GASK1B: variants seen among roughly 807,000 people sequenced by gnomAD.
The protein encoded by GASK1B is Golgi-associated kinase 1B.
Under a neutral mutation model 42.8 loss-of-function variants are expected in GASK1B, and 34 were observed. The observed-to-expected ratio is 0.79, with a 90% CI of 0.60 to 1.06. GASK1B has a LOEUF of 1.06. GASK1B is among the 50% of genes least tolerant of loss of function. GASK1B has a pLI of 0.00. For missense variants in GASK1B, 686 were observed against 661.0 expected (o/e 1.04, Z -0.42); for synonymous variants, 262 against 259.1 (o/e 1.01, Z -0.11).
chr4:158,170,235 G>A (rs762316396), intron 2 of GASK1B: 1 of 1,613,764 alleles, frequency 6.2e-7, no homozygotes, highest in East Asian at 2.2e-5. Context: ...AGATTATACA[G>A]TATGGGCTTA....
intron 2 of GASK1B, among the ~76,000 whole-genome samples, chr4:158,164,467 C>A (rs1732149638): frequency 6.6e-6 from 1 of 152,166 alleles, no homozygotes. Context: ...GACACTGGAG[C>A]ACAGCGCTGC....
intron 3 of GASK1B, among the ~76,000 whole-genome samples, chr4:158,150,780 A>T (rs1375576100): frequency 6.6e-6 from 1 of 152,196 alleles, no homozygotes; most frequent in East Asian, 1.9e-4. Context: ...AGGACTCTTG[A>T]ACACTCTTTA....
In GASK1B at chr4:158,171,506, T is replaced by G; in HGVS notation, c.-131A>C. The G allele has an allele frequency of 1.0e-6, 1 of 955,760 alleles. No homozygotes were observed. Among genetic ancestry groups the G allele is most frequent in the Non-Finnish European group, 1.5e-6 (1 of 679,934 alleles). 59.2% of individuals were successfully genotyped at this position (955,760 alleles called of 1,614,324 possible). ...ATAAGTGGTCTCCAGTGGGCAGAGG[T>G]GGAAGGAAAGGGTTGGTGATGAAGC... On this transcript the variant is annotated 5_prime_UTR_variant, in exon 2 of 5. Transcript: ENST00000585682.
chr4:158,131,113 C>G, intron 3 of GASK1B, 101 bp from the exon 4 acceptor site: 1 of 968,040 alleles, frequency 1.0e-6, no homozygotes, highest in Non-Finnish European at 1.5e-6. Context: ...AGCTGACTTG[C>G]CAGAATCTAA....
rs1171074697 is a variant in GASK1B at position 158,170,921 on chromosome 4, G to A, written c.455C>T (p.Pro152Leu). ...ATCAGCTTCCCTTGCCGCTTCCTGC[G>A]GCTGAAGGGATGGTCCGACCAAAGC... Reference protein sequence around the residue: ...QEALVGPSLQPQEAAREADAV... With the variant: ...QEALVGPSLQLQEAAREADAV... The change falls in exon 2 of 5, where the codon CCG (proline) becomes CTG (leucine). Residue 152 changes from proline (P) to leucine (L), a missense_variant. Coordinates refer to ENST00000585682, the MANE Select transcript of GASK1B (RefSeq NM_001128424.2). 3.1e-6 allele frequency: 5 copies of A among 1,614,202 alleles called. No individual in the cohort carries two copies. The highest frequency in any genetic ancestry group is 4.2e-6 in the Non-Finnish European group (5 of 1,180,044).
intron 3 of GASK1B, among the ~76,000 whole-genome samples, chr4:158,131,668 GA>G (rs1730688965): frequency 6.6e-6 from 1 of 152,128 alleles, no homozygotes; most frequent in Non-Finnish European, 1.5e-5. Flanking sequence ...AGATTAATTA[GA>G]AAAAGAAGAA....
Position 158,124,495 on chromosome 4 carries a change from C to A in GASK1B, c.*2912G>T, listed in dbSNP as rs940201762. 5 of 152,118 alleles carry A rather than the reference C, an allele frequency of 3.3e-5. No homozygotes were observed. Among genetic ancestry groups the A allele is most frequent in the African/African-American group, 1.2e-4 (5 of 41,424 alleles). The allele number at this position is 152,118 out of a possible 1,614,324, so 9.4% of individuals were successfully genotyped here. On this transcript the variant is annotated 3_prime_UTR_variant, in exon 5 of 5. Transcript: ENST00000585682. Reference sequence around the variant, plus strand: ...TTATCATCTTTATTTGACCCATGTTCAATTTCCATATAATTTTCAGATGAA... The same window carrying A: ...TTATCATCTTTATTTGACCCATGTTAAATTTCCATATAATTTTCAGATGAA...
chr4:158,127,607 C>T lies in GASK1B; in HGVS notation c.1360G>A (p.Ala454Thr). 6.2e-7 allele frequency: 1 copy of T among 1,612,218 alleles called. No individual in the cohort carries two copies. Among genetic ancestry groups the T allele is most frequent in the Non-Finnish European group, 8.5e-7 (1 of 1,179,392 alleles). ...CTCTTCAAAACAGAAACTGCAGAAG[C>T]TGGAAACCTGAAAAGATAAAATGAT... is the stretch of plus-strand genomic sequence containing the variant. ...KLLEGIKEFP[A>T]SAVSVLKSQH... The change falls in exon 5 of 5, where the codon GCT becomes ACT. Residue 454 changes from alanine to threonine, a missense_variant. Physicochemically the swap from Ala to Thr is moderately conservative, Grantham distance 58 (BLOSUM62 0). Transcript: ENST00000585682.
rs758141883 is a variant in GASK1B, at chr4:158,131,029, C to G, written c.1126-17G>C. 27 of 1,603,554 alleles carry G rather than the reference C, an allele frequency of 1.7e-5. No individual in the cohort carries two copies. Among genetic ancestry groups the G allele is most frequent in the Non-Finnish European group, 2.3e-5 (27 of 1,172,338 alleles). On this transcript the variant is annotated splice_polypyrimidine_tract_variant and intron_variant, in intron 3 of 4. Transcript: ENST00000585682. The stretch of plus-strand genomic sequence containing the variant: ...ATTATAAATCTGTAAATGGAAAACA[C>G]AAAATCCAAGATGCTGAGTGAAAAC...
At chr4:158,158,690 C>G (rs1370541182) in intron 2 of GASK1B, among the ~76,000 whole-genome samples, 1 of 152,044 alleles carries the variant, frequency 6.6e-6, no homozygotes, top group Admixed American at 6.6e-5. Context: ...AACTATTCAA[C>G]TATGCAACCG....
chr4:158,160,483 A>G (rs963395109), intron 2 of GASK1B, among the ~76,000 whole-genome samples: 2 of 152,048 alleles, frequency 1.3e-5, no homozygotes, highest in Non-Finnish European at 2.9e-5. Context: ...AGAAAAGGGA[A>G]CCCTTAGCAC....
intron 3 of GASK1B, among the ~76,000 whole-genome samples, chr4:158,134,139 T>G (rs186913653): frequency 6.6e-6 from 1 of 152,344 alleles, no homozygotes; most frequent in Admixed American, 6.5e-5. Flanking sequence ...ATATTCAATA[T>G]ACCAAAAATA....
Position 158,127,609 on chromosome 4 carries a change from G to A in GASK1B, c.1358C>T (p.Pro453Leu). The A allele has an allele frequency of 1.2e-6, 2 of 1,612,002 alleles. No individual in the cohort carries two copies. Among genetic ancestry groups the A allele is most frequent in the Non-Finnish European group, 1.7e-6 (2 of 1,179,320 alleles). ...CTTCAAAACAGAAACTGCAGAAGCT[G>A]GAAACCTGAAAAGATAAAATGATAT... ...FKLLEGIKEF[P>L]ASAVSVLKSQ... Residue 453 changes from proline to leucine, a missense_variant, in exon 5 of 5, where the codon CCA (proline) becomes CTA (leucine). Transcript: ENST00000585682.
intron 2 of GASK1B, among the ~76,000 whole-genome samples, chr4:158,157,141 T>A (rs1198946464): frequency 6.6e-6 from 1 of 152,146 alleles, no homozygotes; most frequent in African/African-American, 2.4e-5. Context: ...TAAATCATTC[T>A]AATCACTTGC....
Position 158,170,577 on chromosome 4 carries a change from G to C in GASK1B, c.799C>G (p.Leu267Val). 6.2e-7 allele frequency: 1 copy of C among 1,614,120 alleles called. No individual in the cohort carries two copies. Among genetic ancestry groups the C allele is most frequent in the East Asian group, 2.2e-5 (1 of 44,884 alleles). The change falls in exon 2 of 5, where the codon CTT becomes GTT. Residue 267 changes from leucine (L) to valine (V), a missense_variant. By Grantham distance (32) the Leu-to-Val change is conservative. Transcript: ENST00000585682. ...VLRCGPSPCG[L>V]LKQPLDMSEV... The stretch of plus-strand genomic sequence containing the variant: ...CTCATGTCCAAGGGCTGCTTGAGAA[G>C]CCCACAGGGGCTAGGGCCACAGCGG...
intron 2 of GASK1B, among the ~76,000 whole-genome samples, chr4:158,156,563 T>C (rs1284713878): frequency 6.6e-6 from 1 of 152,186 alleles, no homozygotes; most frequent in Non-Finnish European, 1.5e-5. Context: ...AGAAATGTAA[T>C]TTCTTTAATT....
intron 3 of GASK1B, among the ~76,000 whole-genome samples, chr4:158,133,372 AC>A (rs1451414529): frequency 2.6e-5 from 4 of 152,202 alleles, no homozygotes; most frequent in African/African-American, 9.6e-5. Context: ...TTTGAATATA[AC>A]CCGTAAAGAA....
At chr4:158,165,462 A>T (rs1259024152) in intron 2 of GASK1B, among the ~76,000 whole-genome samples, 1 of 152,172 alleles carries the variant, frequency 6.6e-6, no homozygotes, top group African/African-American at 2.4e-5. Context: ...TACACATGTG[A>T]TTGTTTATGG....
intron 3 of GASK1B, among the ~76,000 whole-genome samples, chr4:158,146,482 C>A (rs1438110091): frequency 6.6e-6 from 1 of 152,026 alleles, no homozygotes; most frequent in African/African-American, 2.4e-5. Context: ...GAGTGCCTAC[C>A]ATGTACTAGG....
Sources: allele counts gnomAD v4.1 joint callset (sites outside exome capture counted in the v4.1 genomes callset), GRCh38; gene constraint gnomAD v4.1.1; transcripts MANE v1.5; gene names NCBI Gene and HGNC (gene_info 2026-07-23, HGNC 2026-07-21).